The following SMYD3 variants were observed in gnomAD, a reference collection of about 807,000 sequenced individuals.
SMYD3 encodes SET and MYND domain containing 3, also known as histone-lysine N-methyltransferase SMYD3.
In SMYD3, 36 loss-of-function variants were observed where a neutral mutation model predicts 57.7. That is an observed-to-expected ratio of 0.62 (90% CI 0.48 to 0.82). SMYD3 has a LOEUF of 0.82. Ranked by LOEUF, SMYD3 falls within the 40% of genes least tolerant of loss-of-function variation. The probability of loss-of-function intolerance (pLI) is 0.00; values close to 1 mark genes in which losing one functional copy is unlikely to be tolerated. For missense variants in SMYD3, 515 were observed against 538.8 expected, an observed-to-expected ratio of 0.96 and a Z score of 0.44; for synonymous variants, 211 against 195.0, an observed-to-expected ratio of 1.08 and a Z score of -0.68.
chr1:245,895,228 T>C (rs879731875), intron 8 of SMYD3, among the ~76,000 whole-genome samples: 2 of 152,194 alleles, frequency 1.3e-5, no homozygotes, highest in Non-Finnish European at 2.9e-5. Flanking sequence ...ATTTTTCTGC[T>C]TGTCTGGAGA....
chr1:245,955,122 C>G (rs1012607290), intron 5 of SMYD3, among the ~76,000 whole-genome samples: 3 of 152,118 alleles, frequency 2.0e-5, no homozygotes, highest in Admixed American at 6.5e-5. Context: ...GTTTGAGTCT[C>G]GCTCTGTCGC....
intron 5 of SMYD3, among the ~76,000 whole-genome samples, chr1:246,119,470 G>A (rs1410658284): frequency 6.6e-6 from 1 of 150,472 alleles, no homozygotes; most frequent in African/African-American, 2.4e-5. Context: ...TGGAGTGTAG[G>A]GGCATGATCT....
intron 5 of SMYD3, among the ~76,000 whole-genome samples, chr1:246,310,476 T>C (rs1162242101): frequency 1.3e-5 from 2 of 152,196 alleles, no homozygotes; most frequent in Non-Finnish European, 2.9e-5. Context: ...TACCCACTTA[T>C]ATTTTACACT....
At chr1:246,251,566 T>A (rs1424111369) in intron 5 of SMYD3, among the ~76,000 whole-genome samples, 1 of 60,066 alleles carries the variant, frequency 1.7e-5, no homozygotes, top group Non-Finnish European at 3.1e-5. Flanking sequence ...CTTTAGTAGG[T>A]GCCGCGGACA....
intron 10 of SMYD3, among the ~76,000 whole-genome samples, chr1:245,839,435 C>T (rs561704164): frequency 3.3e-5 from 5 of 152,284 alleles, no homozygotes; most frequent in Admixed American, 6.5e-5. Context: ...TCCCAAAGTG[C>T]TGGGATTACA....
chr1:246,323,656 A>G (rs2065287734), intron 5 of SMYD3, among the ~76,000 whole-genome samples: 1 of 152,198 alleles, frequency 6.6e-6, no homozygotes, highest in African/African-American at 2.4e-5. Context: ...ATATTCTTCA[A>G]GTAAGACTTT....
intron 5 of SMYD3, among the ~76,000 whole-genome samples, chr1:245,951,071 G>A (rs113782518): frequency 0.021 from 3,153 of 152,182 alleles, 52 homozygotes; most frequent in Non-Finnish European, 0.034. Flanking sequence ...AGTGATGAAG[G>A]ATACACAATG....
At chr1:245,895,691 T>TG (rs1193954494) in intron 8 of SMYD3, among the ~76,000 whole-genome samples, 1 of 152,270 alleles carries the variant, frequency 6.6e-6, no homozygotes, top group Non-Finnish European at 1.5e-5. Flanking sequence ...AACCTGCCTC[T>TG]GTTCCCCGGT....
chr1:246,235,061 T>G (rs61368397), intron 5 of SMYD3, among the ~76,000 whole-genome samples: 31,495 of 152,102 alleles, frequency 0.21, 3,960 homozygotes, highest in East Asian at 0.58. Context: ...TAGGTTCCTA[T>G]GCTCCTAGTA....
At chr1:246,047,096 C>T (rs1318640097) in intron 5 of SMYD3, among the ~76,000 whole-genome samples, 1 of 152,074 alleles carries the variant, frequency 6.6e-6, no homozygotes, top group East Asian at 1.9e-4. Context: ...ACATTTAATT[C>T]CATATATTCC....
intron 8 of SMYD3, among the ~76,000 whole-genome samples, chr1:245,908,388 C>T (rs1473051464): frequency 6.6e-6 from 1 of 152,128 alleles, no homozygotes; most frequent in Non-Finnish European, 1.5e-5. Flanking sequence ...CAGAGAGACC[C>T]CAATACACTA....
intron 5 of SMYD3, among the ~76,000 whole-genome samples, chr1:246,224,199 AAATCCTCCAAG>A (rs551228619): frequency 2.0e-5 from 3 of 152,240 alleles, no homozygotes; most frequent in Non-Finnish European, 2.9e-5. Context: ...AGATAATGCT[AAATCCTCCAAG>A]GAGAATATGA....
At position 246,150,295 on chromosome 1, in the gene SMYD3, T is replaced by A. The variant is rs187159628; in HGVS notation, c.531+176906A>T. Among the ~76,000 whole-genome samples, 161 of 152,356 alleles carry A rather than the reference T, an allele frequency of 1.1e-3. 1 individual carries two copies. Among genetic ancestry groups the A allele is most frequent in the African/African-American group, 3.6e-3 (151 of 41,576 alleles). ...CTCTTTCAAAACAGATCACATTTCT[T>A]GGCCATTAAGTTGACACCATTCTGC... On this transcript the variant is annotated intron_variant, in intron 5 of 11. Transcript: ENST00000490107.
chr1:246,126,109 C>T (rs1307162714), intron 5 of SMYD3, among the ~76,000 whole-genome samples: 1 of 152,192 alleles, frequency 6.6e-6, no homozygotes, highest in Admixed American at 6.5e-5. Flanking sequence ...ACACACAGCG[C>T]AGTGCCGTGC....
intron 7 of SMYD3, 43 bp from the exon 8 acceptor site, chr1:245,915,683 G>A (rs1250737228): frequency 4.0e-6 from 5 of 1,257,544 alleles, no homozygotes; most frequent in East Asian, 4.7e-5. Flanking sequence ...CATCTGCTGT[G>A]CTCATTTCTT....
At chr1:246,471,339 C>T (rs1414538810) in intron 1 of SMYD3, among the ~76,000 whole-genome samples, 1 of 152,152 alleles carries the variant, frequency 6.6e-6, no homozygotes, top group East Asian at 1.9e-4. Flanking sequence ...GCAGGGACTA[C>T]AGGCACATGC....
intron 3 of SMYD3, among the ~76,000 whole-genome samples, chr1:246,334,235 C>T (rs1388037061): frequency 6.6e-6 from 1 of 152,122 alleles, no homozygotes; most frequent in Non-Finnish European, 1.5e-5. Flanking sequence ...AAATAAATCA[C>T]TCTACCAAAA....
At chr1:245,961,116 T>G (rs1042815711) in intron 5 of SMYD3, among the ~76,000 whole-genome samples, 2 of 152,144 alleles carry the variant, frequency 1.3e-5, no homozygotes, top group Admixed American at 1.3e-4. Context: ...GAGAAAGAAT[T>G]GAAAACAATC....
Position 246,255,971 on chromosome 1 carries a change from T to C in SMYD3, c.531+71230A>G, listed in dbSNP as rs143739092. ...ATAGATAGATAGATAGATAGATAGA[T>C]AGATAGATAGATAGATACACACACA... is the stretch of plus-strand genomic sequence containing the variant. On this transcript the variant is annotated intron_variant, in intron 5 of 11. Coordinates refer to ENST00000490107, the MANE Select transcript of SMYD3 (RefSeq NM_001167740.2). Among the ~76,000 whole-genome samples the C allele has an allele frequency of 4.7e-3, 649 of 139,268 alleles. 12 individuals are homozygous for C. Among genetic ancestry groups the C allele is most frequent in the African/African-American group, 0.015 (520 of 34,324 alleles). The allele number at this position is 139,268 out of a possible 152,430, so 91.4% of individuals were successfully genotyped here. A position where few individuals can be genotyped will look rare whatever the true frequency, so the allele number is the denominator to read the frequency against.
Sources: allele counts gnomAD v4.1 joint callset (sites outside exome capture counted in the v4.1 genomes callset), GRCh38; gene constraint gnomAD v4.1.1; transcripts MANE v1.5; gene names NCBI Gene and HGNC (gene_info 2026-07-23, HGNC 2026-07-21).